PPME1: variants seen among roughly 807,000 people sequenced by gnomAD.
PPME1 encodes testicular secretory protein Li 39.
A neutral mutation model predicts 56.9 loss-of-function variants in PPME1; 17 were observed. The observed-to-expected ratio is 0.30, with a 90% confidence interval of 0.20 to 0.45. The LOEUF (loss-of-function observed/expected upper bound fraction) is 0.45. PPME1 is among the 20% of genes least tolerant of loss of function. The probability of loss-of-function intolerance (pLI) is 1.00; values close to 1 mark genes in which losing one functional copy is unlikely to be tolerated. For missense variants in PPME1, 357 were observed against 483.2 expected (o/e 0.74, Z 2.45); for synonymous variants, 122 against 156.2 (o/e 0.78, Z 1.63).
chr11:74,212,908 A>AC (rs922807735), intron 3 of PPME1, among the ~76,000 whole-genome samples: 74 of 152,250 alleles, frequency 4.9e-4, no homozygotes, highest in African/African-American at 1.7e-3. Flanking sequence ...TTCAAGTGTG[A>AC]CCCAACACAT....
At chr11:74,233,674 T>G (rs1260451774) in intron 7 of PPME1, among the ~76,000 whole-genome samples, 1 of 151,856 alleles carries the variant, frequency 6.6e-6, no homozygotes, top group Non-Finnish European at 1.5e-5. Context: ...TTTTTTTAAT[T>G]AGCTGGGTGT....
chr11:74,233,310 T>C (rs1222428424), intron 7 of PPME1, among the ~76,000 whole-genome samples: 1 of 152,218 alleles, frequency 6.6e-6, no homozygotes, highest in Non-Finnish European at 1.5e-5. Flanking sequence ...ATGAGAGTCA[T>C]TGATCTTTCT....
At chr11:74,175,455 C>T (rs932473362) in intron 1 of PPME1, among the ~76,000 whole-genome samples, 3 of 151,928 alleles carry the variant, frequency 2.0e-5, no homozygotes, top group Non-Finnish European at 4.4e-5. Flanking sequence ...GAGCCGAGAT[C>T]GCGCCATTGC....
At chr11:74,225,015 T>C (rs549801653) in intron 4 of PPME1, among the ~76,000 whole-genome samples, 190 bp from the exon 5 acceptor site, 6 of 152,330 alleles carry the variant, frequency 3.9e-5, no homozygotes, top group Non-Finnish European at 5.9e-5. Flanking sequence ...AAATCTTTGC[T>C]AGGCTACTGT....
chr11:74,180,110 G>A (rs1053804220), intron 1 of PPME1, among the ~76,000 whole-genome samples: 2 of 152,164 alleles, frequency 1.3e-5, no homozygotes, highest in African/African-American at 2.4e-5. Flanking sequence ...TCTAGGCAAG[G>A]AAGGTTTTTC....
intron 3 of PPME1, among the ~76,000 whole-genome samples, chr11:74,208,219 G>A (rs146725965): frequency 6.6e-6 from 1 of 152,094 alleles, no homozygotes; most frequent in Admixed American, 6.5e-5. Flanking sequence ...AGCTGAGGCA[G>A]GAGAAACGCT....
chr11:74,177,607 G>A (rs578032437), intron 1 of PPME1, among the ~76,000 whole-genome samples: 61 of 152,120 alleles, frequency 4.0e-4, no homozygotes, highest in African/African-American at 1.4e-3. Context: ...GGTGGTAGAG[G>A]TTGTTTACCC....
chr11:74,191,280 C>T (rs1171003462), intron 1 of PPME1, among the ~76,000 whole-genome samples: 1 of 152,154 alleles, frequency 6.6e-6, no homozygotes, highest in Non-Finnish European at 1.5e-5. Flanking sequence ...ATTGAAGCTG[C>T]AGTGAGCTGT....
chr11:74,191,588 G>C (rs1291934), intron 1 of PPME1, among the ~76,000 whole-genome samples: 1 of 151,994 alleles, frequency 6.6e-6, no homozygotes, highest in Non-Finnish European at 1.5e-5. Flanking sequence ...CCTAGGAGGA[G>C]AGAATGGTTT....
At chr11:74,201,288 G>GT (rs1406870642) in intron 1 of PPME1, among the ~76,000 whole-genome samples, 4 of 151,950 alleles carry the variant, frequency 2.6e-5, no homozygotes, top group Non-Finnish European at 5.9e-5. Flanking sequence ...GGCCTTTTTT[G>GT]TTTTTTGTTT....
chr11:74,206,594 A>G (rs1160839185), intron 3 of PPME1, among the ~76,000 whole-genome samples: 2 of 152,168 alleles, frequency 1.3e-5, no homozygotes, highest in African/African-American at 4.8e-5. Context: ...TTAAGACAGG[A>G]TCTCAGTCTA....
At chr11:74,228,865 G>A (rs773371905) in intron 5 of PPME1, among the ~76,000 whole-genome samples, 5 of 152,158 alleles carry the variant, frequency 3.3e-5, no homozygotes, top group Non-Finnish European at 5.9e-5. Flanking sequence ...GTCTCCCAGA[G>A]AGAATTTTGT....
intron 1 of PPME1, among the ~76,000 whole-genome samples, chr11:74,192,682 T>G (rs7107268): frequency 6.6e-6 from 1 of 152,060 alleles, no homozygotes. Flanking sequence ...ACCTTGGTAA[T>G]GAGTGAGTTC....
chr11:74,177,194 T>C (rs1857421111), intron 1 of PPME1, among the ~76,000 whole-genome samples: 1 of 152,008 alleles, frequency 6.6e-6, no homozygotes, highest in Admixed American at 6.6e-5. Flanking sequence ...GGCTCAGTGG[T>C]CCATGCCTGT....
intron 9 of PPME1, among the ~76,000 whole-genome samples, chr11:74,244,505 T>G (rs1315320870): frequency 2.0e-5 from 3 of 152,186 alleles, no homozygotes; most frequent in Non-Finnish European, 2.9e-5. Context: ...GTGCATTTAT[T>G]TATTGATTAG....
At chr11:74,214,501 A>T (rs950708608) in intron 3 of PPME1, among the ~76,000 whole-genome samples, 1 of 152,146 alleles carries the variant, frequency 6.6e-6, no homozygotes, top group Non-Finnish European at 1.5e-5. Flanking sequence ...GATTTAACCC[A>T]AATAAGACTA....
chr11:74,179,945 G>A (rs1565374089), intron 1 of PPME1, among the ~76,000 whole-genome samples: 1 of 152,144 alleles, frequency 6.6e-6, no homozygotes, highest in Admixed American at 6.5e-5. Flanking sequence ...CAGAATTTGT[G>A]ACAACAAGTG....
chr11:74,217,541 C>CAAA (rs61139169), intron 3 of PPME1, among the ~76,000 whole-genome samples: 9 of 78,978 alleles, frequency 1.1e-4, no homozygotes, highest in Admixed American at 3.2e-4. Flanking sequence ...GACTCCGTCT[C>CAAA]AAAAAAAAAA....
At chr11:74,173,066 G>A (rs546134363) in intron 1 of PPME1, among the ~76,000 whole-genome samples, 2 of 152,140 alleles carry the variant, frequency 1.3e-5, no homozygotes, top group Non-Finnish European at 2.9e-5. Context: ...GTAGAAAAAT[G>A]AGAAAACTTT....
Sources: allele counts gnomAD v4.1 joint callset (sites outside exome capture counted in the v4.1 genomes callset), GRCh38; gene constraint gnomAD v4.1.1; transcripts MANE v1.5; gene names NCBI Gene and HGNC (gene_info 2026-07-23, HGNC 2026-07-21).